The following BMPER variants were observed in gnomAD, a reference collection of about 807,000 sequenced individuals.
The protein encoded by BMPER is BMP-binding endothelial regulator protein.
In BMPER, 45 loss-of-function variants were observed where a neutral mutation model predicts 87.3. The observed-to-expected ratio is 0.52, with a 90% CI of 0.41 to 0.66. The LOEUF (loss-of-function observed/expected upper bound fraction) is 0.66. Ranked by LOEUF, BMPER falls within the 30% of genes least tolerant of loss-of-function variation. The probability of loss-of-function intolerance (pLI) is 0.00; values close to 1 mark genes in which losing one functional copy is unlikely to be tolerated. For synonymous variants in BMPER, 326 were observed against 316.2 expected, an observed-to-expected ratio of 1.03 and a Z score of -0.33; for missense variants, 784 against 867.5, an observed-to-expected ratio of 0.90 and a Z score of 1.21.
chr7:34,096,795 A>T (rs1465065992), intron 13 of BMPER, among the ~76,000 whole-genome samples: 2 of 152,228 alleles, frequency 1.3e-5, no homozygotes, highest in African/African-American at 4.8e-5. Flanking sequence ...TTCTAGATTA[A>T]TGGTCAATTA....
rs537327073 is a variant in BMPER, at chr7:33,914,080, GC to G, written c.219+7180del. ...GGGTTCGCGCCATTCTCCTGCCTCAGCCCTCCCGAGTAGCTGGGACTACAGG... is the reference window on the plus strand; with the variant it reads ...GGGTTCGCGCCATTCTCCTGCCTCAGCCTCCCGAGTAGCTGGGACTACAGG... On this transcript the variant is annotated intron_variant, in intron 2 of 14. Transcript: ENST00000649409. Among the ~76,000 whole-genome samples, 516 of 151,148 alleles carry G rather than the reference GC, an allele frequency of 3.4e-3. 2 individuals carry two copies. Among genetic ancestry groups the G allele is most frequent in the African/African-American group, 0.012 (497 of 41,158 alleles).
At chr7:34,107,360 G>A (rs536553506) in intron 13 of BMPER, among the ~76,000 whole-genome samples, 1 of 152,226 alleles carries the variant, frequency 6.6e-6, no homozygotes. Context: ...ATTTGGATGA[G>A]CTTATTAACT....
At position 33,984,372 on chromosome 7, in the gene BMPER, A is replaced by G. The variant is rs192267761; in HGVS notation, c.576+9588A>G. On this transcript the variant is annotated intron_variant, in intron 6 of 14. Transcript: ENST00000649409. Reference sequence around the variant, plus strand: ...TCCCAGCTATTCAAGAGGCTGAGGCAGGAGAATCACTTCAATCTGGAGGTG... The same window carrying G: ...TCCCAGCTATTCAAGAGGCTGAGGCGGGAGAATCACTTCAATCTGGAGGTG... Among the ~76,000 whole-genome samples the G allele has an allele frequency of 1.1e-3, 170 of 152,192 alleles. 1 individual carries two copies. The highest frequency in any genetic ancestry group is 1.9e-3 in the Non-Finnish European group (128 of 68,008).
intron 2 of BMPER, among the ~76,000 whole-genome samples, chr7:33,935,458 A>G (rs924387750): frequency 6.6e-6 from 1 of 152,188 alleles, no homozygotes; most frequent in African/African-American, 2.4e-5. Context: ...AGTCTTTGTT[A>G]AGAACTCCAC....
Position 33,999,912 on chromosome 7 carries a change from C to T in BMPER, c.576+25128C>T, listed in dbSNP as rs552328333. On this transcript the variant is annotated intron_variant, in intron 6 of 14. Transcript: ENST00000649409. ...ATTCTCAGAACTTAAAAGGCCACTA[C>T]GCTCAGAAATGAAGTGGAGACCTCA... Among the ~76,000 whole-genome samples, 15 of 152,290 alleles carry T rather than the reference C, an allele frequency of 9.8e-5. No individual in the cohort carries two copies. In the East Asian group the frequency reaches 1.2e-3, roughly 12 times the overall value.
intron 6 of BMPER, among the ~76,000 whole-genome samples, chr7:34,038,314 T>C (rs78790213): frequency 0.018 from 2,814 of 152,208 alleles, 98 homozygotes; most frequent in African/African-American, 0.065. Context: ...GCTGCACTGA[T>C]AGCTTTGAAG....
intron 6 of BMPER, among the ~76,000 whole-genome samples, chr7:33,983,250 G>T (rs1212675287): frequency 2.6e-5 from 4 of 151,958 alleles, no homozygotes; most frequent in Non-Finnish European, 5.9e-5. Flanking sequence ...TATTTTAATG[G>T]CTTATAAGAT....
At chr7:34,128,704 T>A (rs1790467034) in intron 13 of BMPER, among the ~76,000 whole-genome samples, 1 of 152,158 alleles carries the variant, frequency 6.6e-6, no homozygotes, top group Non-Finnish European at 1.5e-5. Context: ...AATTCTACAG[T>A]GTAACAGAAG....
intron 9 of BMPER, 70 bp from the exon 10 acceptor site, chr7:34,057,989 G>A (rs1333763183): frequency 4.4e-6 from 6 of 1,366,190 alleles, no homozygotes; most frequent in African/African-American, 4.3e-5. Flanking sequence ...TCCATGGAGA[G>A]GTTACAGTCT....
At chr7:33,913,867 C>T (rs1475175154) in intron 2 of BMPER, among the ~76,000 whole-genome samples, 2 of 152,142 alleles carry the variant, frequency 1.3e-5, no homozygotes, top group African/African-American at 4.8e-5. Context: ...CTCTCAGTGA[C>T]ACCCTGCCTT....
chr7:34,079,388 C>T (rs1788953670), intron 12 of BMPER, among the ~76,000 whole-genome samples: 1 of 152,208 alleles, frequency 6.6e-6, no homozygotes, highest in Non-Finnish European at 1.5e-5. Flanking sequence ...CAGCTGGAGA[C>T]ATTCGGACCG....
chr7:33,941,625 G>A (rs1252755233), intron 3 of BMPER, among the ~76,000 whole-genome samples: 1 of 152,164 alleles, frequency 6.6e-6, no homozygotes, highest in African/African-American at 2.4e-5. Context: ...TAGATGACAC[G>A]CATGTGCAGT....
intron 6 of BMPER, among the ~76,000 whole-genome samples, chr7:33,977,050 T>G (rs1785705940): frequency 1.3e-5 from 2 of 152,342 alleles, no homozygotes; most frequent in South Asian, 4.1e-4. Flanking sequence ...ACTTTGATTA[T>G]GTTCCCGATA....
chr7:34,039,114 T>G (rs1374737197), intron 6 of BMPER, among the ~76,000 whole-genome samples: 1 of 152,202 alleles, frequency 6.6e-6, no homozygotes, highest in African/African-American at 2.4e-5. Context: ...TGAGAACTGT[T>G]CCACTTGAAA....
intron 6 of BMPER, among the ~76,000 whole-genome samples, chr7:33,993,981 A>T (rs553077276): frequency 6.6e-6 from 1 of 152,320 alleles, no homozygotes; most frequent in Non-Finnish European, 1.5e-5. Context: ...GCCCGTTCTC[A>T]GATCTCCAGC....
chr7:34,087,808 T>C (rs1789258753), intron 13 of BMPER, among the ~76,000 whole-genome samples: 1 of 152,236 alleles, frequency 6.6e-6, no homozygotes. Context: ...TTGATTTTTA[T>C]CCCATTTCAA....
chr7:34,040,300 A>G (rs4723348), intron 6 of BMPER, among the ~76,000 whole-genome samples: 75,118 of 152,004 alleles, frequency 0.49, 18,871 homozygotes, highest in African/African-American at 0.58. Context: ...CCAGTCCCTT[A>G]TCTGGTGCCC....
At position 34,153,131 on chromosome 7, in the gene BMPER, G is replaced by A. The variant is rs1791224411; in HGVS notation, c.1916G>A (p.Gly639Asp). The change falls in exon 15 of 15, where the codon GGT becomes GAT. Residue 639 changes from glycine (G) to aspartate (D), a missense_variant. Transcript: ENST00000649409. ...CATGGTGCTGTGTACGATACCTGTGGTCCGGGATGTATCAAGACGTGTGAC... is the reference window on the plus strand; with the variant it reads ...CATGGTGCTGTGTACGATACCTGTGATCCGGGATGTATCAAGACGTGTGAC... ...CKHGAVYDTC[G>D]PGCIKTCDNW... 1.9e-6 allele frequency: 3 copies of A among 1,613,962 alleles called. No individual in the cohort carries two copies. The African/African-American group carries it at 4.0e-5, about 22-fold the overall frequency.
chr7:34,107,661 A>G (rs1024519561), intron 13 of BMPER, among the ~76,000 whole-genome samples: 2 of 152,144 alleles, frequency 1.3e-5, no homozygotes, highest in Non-Finnish European at 2.9e-5. Context: ...AATCTAGGGC[A>G]GCTCTCTGTG....
Sources: allele counts gnomAD v4.1 joint callset (sites outside exome capture counted in the v4.1 genomes callset), GRCh38; gene constraint gnomAD v4.1.1; transcripts MANE v1.5; gene names NCBI Gene and HGNC (gene_info 2026-07-23, HGNC 2026-07-21).